The following DOK6 variants were observed in gnomAD, a reference collection of about 807,000 sequenced individuals.
DOK6 encodes docking protein 6.
A neutral mutation model predicts 44.0 loss-of-function variants in DOK6; 22 were observed. That is an observed-to-expected ratio of 0.50 (90% CI 0.36 to 0.71). The LOEUF (loss-of-function observed/expected upper bound fraction) is 0.71, where lower values mean the gene tolerates loss of function less well. Among genes scored for constraint, DOK6 ranks in the 30% least tolerant of loss-of-function variants. DOK6 has a pLI of 0.00. For synonymous variants in DOK6, 166 were observed against 145.5 expected, an observed-to-expected ratio of 1.14 and a Z score of -1.01; for missense variants, 340 against 416.4, an observed-to-expected ratio of 0.82 and a Z score of 1.60.
At chr18:69,578,183 C>A (rs891613123) in intron 2 of DOK6, among the ~76,000 whole-genome samples, 6 of 152,038 alleles carry the variant, frequency 3.9e-5, no homozygotes, top group Non-Finnish European at 5.9e-5. Context: ...GTCCTTATTC[C>A]ACTTTTTAAA....
chr18:69,657,216 G>A (rs11663033), intron 3 of DOK6, among the ~76,000 whole-genome samples: 59,542 of 152,038 alleles, frequency 0.39, 12,311 homozygotes, highest in Admixed American at 0.45. Flanking sequence ...GATGTGTTGG[G>A]TTGGATTATT....
chr18:69,728,154 C>T (rs1238307815), intron 5 of DOK6, among the ~76,000 whole-genome samples: 3 of 152,232 alleles, frequency 2.0e-5, no homozygotes, highest in African/African-American at 4.8e-5. Flanking sequence ...CAGTCCTCCA[C>T]ATTGGAATTT....
At chr18:69,768,556 A>G (rs550445981) in intron 7 of DOK6, among the ~76,000 whole-genome samples, 3 of 150,824 alleles carry the variant, frequency 2.0e-5, no homozygotes, top group Admixed American at 2.0e-4. Context: ...AATGTTCCCC[A>G]TCCCTAATTA....
chr18:69,551,023 T>C (rs1982554253), intron 1 of DOK6, among the ~76,000 whole-genome samples: 1 of 151,936 alleles, frequency 6.6e-6, no homozygotes, highest in African/African-American at 2.4e-5. Flanking sequence ...TCTTAACTTA[T>C]TTACAGGAAG....
intron 2 of DOK6, among the ~76,000 whole-genome samples, chr18:69,589,349 T>C (rs1983574722): frequency 6.6e-6 from 1 of 152,060 alleles, no homozygotes; most frequent in South Asian, 2.1e-4. Context: ...AAAAGTAAAA[T>C]CTTTGACTTA....
At chr18:69,439,298 T>C (rs1006677699) in intron 1 of DOK6, among the ~76,000 whole-genome samples, 1 of 152,150 alleles carries the variant, frequency 6.6e-6, no homozygotes, top group African/African-American at 2.4e-5. Context: ...TAGCATAATC[T>C]TTAAGGGCCC....
Position 69,585,968 on chromosome 18 carries a change from A to G in DOK6, c.175-13416A>G, listed in dbSNP as rs188413589. Reference sequence around the variant, plus strand: ...ACATTTTTAAGGCAATGATCTCTCAAGCTGTTGTCAGTGTTTTTCATGCCA... The same window carrying G: ...ACATTTTTAAGGCAATGATCTCTCAGGCTGTTGTCAGTGTTTTTCATGCCA... On this transcript the variant is annotated intron_variant, in intron 2 of 7. Coordinates refer to ENST00000382713, the MANE Select transcript of DOK6 (RefSeq NM_152721.6). Among the ~76,000 whole-genome samples the G allele has an allele frequency of 5.1e-4, 77 of 152,270 alleles. 1 individual carries two copies. The highest frequency in any genetic ancestry group is 2.2e-3 in the Admixed American group (33 of 15,300).
intron 7 of DOK6, among the ~76,000 whole-genome samples, chr18:69,807,172 G>A (rs1981074067): frequency 6.8e-6 from 1 of 147,184 alleles, no homozygotes; most frequent in Non-Finnish European, 1.5e-5. Context: ...CCTCAGTGTG[G>A]AGGTTTTTTT....
At chr18:69,590,819 G>A (rs1025079096) in intron 2 of DOK6, among the ~76,000 whole-genome samples, 23 of 152,166 alleles carry the variant, frequency 1.5e-4, no homozygotes, top group Non-Finnish European at 7.4e-5. Flanking sequence ...ATGTGAAGAG[G>A]AAGGAATAGG....
At chr18:69,791,275 G>T (rs896292867) in intron 7 of DOK6, among the ~76,000 whole-genome samples, 10 of 152,164 alleles carry the variant, frequency 6.6e-5, no homozygotes, top group Admixed American at 6.6e-4. Context: ...ACCTAGTGGT[G>T]GGATTGCTGG....
At chr18:69,760,976 G>C (rs1301168501) in intron 7 of DOK6, among the ~76,000 whole-genome samples, 1 of 115,424 alleles carries the variant, frequency 8.7e-6, no homozygotes, top group Non-Finnish European at 1.8e-5. Context: ...GGAAGCTGCT[G>C]ATCAGTTTCA....
chr18:69,753,182 G>C (rs910461469), intron 6 of DOK6, among the ~76,000 whole-genome samples: 2 of 152,138 alleles, frequency 1.3e-5, no homozygotes, highest in Non-Finnish European at 2.9e-5. Flanking sequence ...TATCATCTAC[G>C]AATCTCAAAT....
At chr18:69,553,293 A>G (rs1392834176) in intron 1 of DOK6, among the ~76,000 whole-genome samples, 1 of 152,234 alleles carries the variant, frequency 6.6e-6, no homozygotes, top group Non-Finnish European at 1.5e-5. Flanking sequence ...TCTATTCTAA[A>G]GACTAAGTAT....
chr18:69,816,640 CCT>C (rs780831177), intron 7 of DOK6, among the ~76,000 whole-genome samples: 37 of 152,084 alleles, frequency 2.4e-4, no homozygotes, highest in Non-Finnish European at 5.1e-4. Flanking sequence ...ATTATTATCC[CCT>C]GTTTTAAAAA....
At chr18:69,682,864 T>A (rs1375895812) in intron 4 of DOK6, among the ~76,000 whole-genome samples, 2 of 152,218 alleles carry the variant, frequency 1.3e-5, no homozygotes, top group African/African-American at 2.4e-5. Context: ...TATAATTATT[T>A]CTTATTCCTC....
chr18:69,802,801 C>T (rs1176515926), intron 7 of DOK6, among the ~76,000 whole-genome samples: 2 of 152,150 alleles, frequency 1.3e-5, no homozygotes, highest in Non-Finnish European at 2.9e-5. Context: ...CATGCTTGTA[C>T]AGCCTGCAGA....
At chr18:69,464,600 G>A (rs1326536898) in intron 1 of DOK6, among the ~76,000 whole-genome samples, 1 of 152,176 alleles carries the variant, frequency 6.6e-6, no homozygotes, top group African/African-American at 2.4e-5. Flanking sequence ...ATTAATGAGG[G>A]AAAATAATCT....
At chr18:69,584,976 C>G (rs548528696) in intron 2 of DOK6, among the ~76,000 whole-genome samples, 54 of 151,160 alleles carry the variant, frequency 3.6e-4, no homozygotes, top group African/African-American at 1.2e-3. Context: ...TGCCAGAGGT[C>G]TCTTATTAAT....
chr18:69,649,171 A>G (rs976841771), intron 3 of DOK6, among the ~76,000 whole-genome samples: 1 of 152,220 alleles, frequency 6.6e-6, no homozygotes, highest in African/African-American at 2.4e-5. Context: ...TATTTTTTCC[A>G]ATACCTATCA....
Sources: gnomAD v4.1 joint callset for allele counts (sites outside exome capture counted in the v4.1 genomes callset) on GRCh38, gnomAD v4.1.1 for gene constraint, MANE v1.5 for transcripts, NCBI Gene and HGNC (gene_info 2026-07-23, HGNC 2026-07-21) for gene names.